WDSUB1: variants seen among roughly 807,000 people sequenced by gnomAD.
The protein encoded by WDSUB1 is WD repeat, sterile alpha motif and U-box domain containing 1, also known as WD repeat, SAM and U-box domain-containing protein 1.
Under a neutral mutation model 53.9 loss-of-function variants are expected in WDSUB1, and 49 were observed. The ratio of observed to expected loss-of-function variants is 0.91; its 90% confidence interval spans 0.72 to 1.15. WDSUB1 has a LOEUF of 1.15. WDSUB1 is among the 50% of genes most tolerant of loss of function. WDSUB1 has a pLI of 0.00. For missense variants in WDSUB1, 514 were observed against 562.0 expected (o/e 0.91, Z 0.86); for synonymous variants, 194 against 200.6 (o/e 0.97, Z 0.28).
chr2:159,266,757 A>G (rs1356741219), intron 5 of WDSUB1, among the ~76,000 whole-genome samples: 5 of 152,060 alleles, frequency 3.3e-5, no homozygotes, highest in African/African-American at 4.8e-5. Context: ...ACACCATCCT[A>G]GGTTCTCAGG....
At chr2:159,254,458 G>A (rs1186455852) in intron 9 of WDSUB1, among the ~76,000 whole-genome samples, 1 of 152,128 alleles carries the variant, frequency 6.6e-6, no homozygotes, top group African/African-American at 2.4e-5. Context: ...CTACTCACGA[G>A]GCCGAGGTAG....
At chr2:159,243,208 G>GA (rs879635553) in intron 10 of WDSUB1, among the ~76,000 whole-genome samples, 3 of 147,362 alleles carry the variant, frequency 2.0e-5, no homozygotes, top group South Asian at 2.2e-4. Context: ...ATTACGCTAA[G>GA]AAAAAAAAGC....
chr2:159,250,862 C>A (rs2060935758), intron 9 of WDSUB1, among the ~76,000 whole-genome samples: 2 of 152,150 alleles, frequency 1.3e-5, no homozygotes, highest in South Asian at 2.1e-4. Flanking sequence ...TCCTAAAAAT[C>A]TTCCACCTGG....
At chr2:159,259,568 A>G (rs928451306) in intron 6 of WDSUB1, among the ~76,000 whole-genome samples, 1 of 152,268 alleles carries the variant, frequency 6.6e-6, no homozygotes, top group South Asian at 2.1e-4. Flanking sequence ...CTCTTTAAAT[A>G]TGTATAGTTT....
chr2:159,237,043 GGTTCCTGA>G (rs1451288030), intron 10 of WDSUB1, among the ~76,000 whole-genome samples: 1 of 152,072 alleles, frequency 6.6e-6, no homozygotes, highest in African/African-American at 2.4e-5. Flanking sequence ...TGAAAATCTT[GGTTCCTGA>G]TTTCATTTAC....
chr2:159,283,050 G>T lies in WDSUB1; in HGVS notation c.20C>A (p.Thr7Lys). 3 of 1,609,996 alleles carry T rather than the reference G, an allele frequency of 1.9e-6. No individual in the cohort carries two copies. Among genetic ancestry groups the T allele is most frequent in the Non-Finnish European group, 2.5e-6 (3 of 1,176,676 alleles). Residue 7 changes from threonine to lysine, a missense_variant, in exon 2 of 11, where the codon ACA becomes AAA. By Grantham distance (78) the Thr-to-Lys change is moderately conservative (BLOSUM62 -1). Transcript: ENST00000359774. ...GACATCGTCACCATGATCAGCTAATGTGTGAATCAGTTTCACCATGTTCTT... is the reference window on the plus strand; with the variant it reads ...GACATCGTCACCATGATCAGCTAATTTGTGAATCAGTTTCACCATGTTCTT... MVKLIH[T>K]LADHGDDVNC...
chr2:159,252,804 A>C (rs918698536), intron 9 of WDSUB1, among the ~76,000 whole-genome samples: 3 of 152,234 alleles, frequency 2.0e-5, no homozygotes, highest in Non-Finnish European at 4.4e-5. Flanking sequence ...TTAAATTAGA[A>C]AATGATAAAA....
chr2:159,271,568 A>G, intron 5 of WDSUB1, 134 bp downstream of exon 5: 1 of 740,606 alleles, frequency 1.4e-6, no homozygotes, highest in Non-Finnish European at 2.2e-6. Flanking sequence ...CTTCTGGGGC[A>G]GAACCAGCAA....
At chr2:159,261,883 TATATATATA>T (rs2061220025) in intron 5 of WDSUB1, among the ~76,000 whole-genome samples, 1 of 16,932 alleles carries the variant, frequency 5.9e-5, no homozygotes, top group Non-Finnish European at 9.5e-5. Context: ...TATATATATA[TATATATATA>T]TATATTTTTT....
Position 159,235,999 on chromosome 2 carries a change from C to T in WDSUB1, c.*34G>A, listed in dbSNP as rs200260843. ...TACCTATAAATCATTCAAATGAGAT[C>T]ACTGAAAATATAAATAATACAATAT... On this transcript the variant is annotated 3_prime_UTR_variant, in exon 11 of 11. Coordinates refer to ENST00000359774, the MANE Select transcript of WDSUB1 (RefSeq NM_001128212.3). The T allele has an allele frequency of 1.1e-5, 17 of 1,550,362 alleles. No individual in the cohort carries two copies. The highest frequency in any genetic ancestry group is 1.3e-5 in the Non-Finnish European group (15 of 1,150,698).
At chr2:159,283,521 A>G (rs74949187) in intron 1 of WDSUB1, among the ~76,000 whole-genome samples, 4,309 of 152,100 alleles carry the variant, frequency 0.028, 196 homozygotes, top group African/African-American at 0.094. Flanking sequence ...GTGAGCTGAT[A>G]TCGTGCCACT....
At chr2:159,269,857 A>G (rs2061414142) in intron 5 of WDSUB1, among the ~76,000 whole-genome samples, 1 of 152,206 alleles carries the variant, frequency 6.6e-6, no homozygotes, top group Non-Finnish European at 1.5e-5. Context: ...TTACAAACTA[A>G]AAGGAATAGA....
In WDSUB1 at chr2:159,235,896, T is replaced by C; in HGVS notation, c.*137A>G. On this transcript the variant is annotated 3_prime_UTR_variant, in exon 11 of 11. Coordinates refer to ENST00000359774, the MANE Select transcript of WDSUB1 (RefSeq NM_001128212.3). Reference sequence around the variant, plus strand: ...CATGTGTTTTTTAAAGAATGAAAATTGACAATTTTTATAGGTAACTAAATT... The same window carrying C: ...CATGTGTTTTTTAAAGAATGAAAATCGACAATTTTTATAGGTAACTAAATT... 1 of 863,226 alleles carries C rather than the reference T, an allele frequency of 1.2e-6. No homozygotes were observed. Among genetic ancestry groups the C allele is most frequent in the Non-Finnish European group, 1.6e-6 (1 of 621,808 alleles). The allele number at this position is 863,226 out of a possible 1,614,324, so 53.5% of individuals were successfully genotyped here. A position where few individuals can be genotyped will look rare whatever the true frequency, so the allele number is the denominator to read the frequency against.
At chr2:159,256,175 C>G (rs2061056937) in intron 9 of WDSUB1, 21 bp downstream of exon 9, 1 of 1,570,102 alleles carries the variant, frequency 6.4e-7, no homozygotes, top group South Asian at 1.2e-5. Context: ...TTGAAGATTG[C>G]CTATCTTTCA....
intron 10 of WDSUB1, among the ~76,000 whole-genome samples, chr2:159,242,188 C>T (rs2060670565): frequency 6.8e-6 from 1 of 146,938 alleles, no homozygotes; most frequent in East Asian, 2.1e-4. Context: ...GCAGCTGGGA[C>T]TACAGGCACA....
In WDSUB1 at chr2:159,282,899, G is replaced by A; in HGVS notation, c.171C>T (p.Val57=). ...HSPLKFHTYA[V]HCCCFSPSGH... is the part of the protein sequence containing the mutation. ...CTGAAGGGGAGAAACAGCAGCAGTG[G>A]ACAGCATAGGTATGAAACTTCAATG... Residue 57 remains valine (V), a synonymous_variant, in exon 2 of 11, where the codon GTC becomes GTT. Coordinates refer to ENST00000359774, the MANE Select transcript of WDSUB1 (RefSeq NM_001128212.3). The A allele has an allele frequency of 6.2e-7, 1 of 1,614,200 alleles. No homozygotes were observed.
chr2:159,254,472 G>T (rs185940399), intron 9 of WDSUB1, among the ~76,000 whole-genome samples: 1 of 152,194 alleles, frequency 6.6e-6, no homozygotes, highest in African/African-American at 2.4e-5. Context: ...GAGGTAGGAG[G>T]ATCACTTGAG....
intron 5 of WDSUB1, among the ~76,000 whole-genome samples, chr2:159,261,939 A>T (rs2061238024): frequency 8.8e-6 from 1 of 114,044 alleles, no homozygotes. Context: ...TAAATAAATG[A>T]ACTGGTCATT....
intron 2 of WDSUB1, among the ~76,000 whole-genome samples, chr2:159,280,208 C>T (rs1474070954): frequency 1.3e-5 from 2 of 152,118 alleles, no homozygotes; most frequent in African/African-American, 4.8e-5. Context: ...AAACCAAAGT[C>T]CACATATCTT....
Sources: gnomAD v4.1 joint callset for allele counts (sites outside exome capture counted in the v4.1 genomes callset) on GRCh38, gnomAD v4.1.1 for gene constraint, MANE v1.5 for transcripts, NCBI Gene and HGNC (gene_info 2026-07-23, HGNC 2026-07-21) for gene names.